KIF16B: variants seen among roughly 807,000 people sequenced by gnomAD.
The protein encoded by KIF16B is kinesin family member 16B, also known as kinesin-like protein KIF16B.
Under a neutral mutation model 156.3 loss-of-function variants are expected in KIF16B, and 98 were observed. The ratio of observed to expected loss-of-function variants is 0.63; its 90% confidence interval spans 0.53 to 0.74. KIF16B has a LOEUF of 0.74. Among genes scored for constraint, KIF16B ranks in the 30% least tolerant of loss-of-function variants. KIF16B has a pLI of 0.00. For synonymous variants in KIF16B, 564 were observed against 583.7 expected, an observed-to-expected ratio of 0.97 and a Z score of 0.49; for missense variants, 1,421 against 1,606.5, an observed-to-expected ratio of 0.88 and a Z score of 1.97.
chr20:16,359,181 C>T lies in KIF16B; in HGVS notation c.3499-2729G>A, dbSNP rs1048765642. On this transcript the variant is annotated intron_variant, in intron 22 of 25. Transcript: ENST00000354981. ...GGTGATACGGTTTGGATATTTGTCCCCATCCAAATCTCATGAGGAGTTGTA... is the reference window on the plus strand; with the variant it reads ...GGTGATACGGTTTGGATATTTGTCCTCATCCAAATCTCATGAGGAGTTGTA... Among the ~76,000 whole-genome samples, 6 of 152,104 alleles carry T rather than the reference C, an allele frequency of 3.9e-5. No individual in the cohort carries two copies. In the East Asian group the frequency reaches 9.6e-4, roughly 24 times the overall value.
chr20:16,407,389 TAA>T (rs2065813084), intron 15 of KIF16B, among the ~76,000 whole-genome samples: 1 of 152,146 alleles, frequency 6.6e-6, no homozygotes, highest in African/African-American at 2.4e-5. Context: ...TCAATGAAGA[TAA>T]GACACATGCA....
At chr20:16,431,122 C>A (rs1376775908) in intron 12 of KIF16B, among the ~76,000 whole-genome samples, 1 of 151,880 alleles carries the variant, frequency 6.6e-6, no homozygotes, top group African/African-American at 2.4e-5. Context: ...CAAAATATGC[C>A]CAGAATCTGG....
intron 22 of KIF16B, among the ~76,000 whole-genome samples, chr20:16,362,171 C>T (rs1328207095): frequency 2.0e-5 from 3 of 152,292 alleles, no homozygotes; most frequent in South Asian, 2.1e-4. Flanking sequence ...ATGAAAAGTA[C>T]CACTGATGTT....
In KIF16B at chr20:16,573,252, C is replaced by T. The variant is rs753553804; in HGVS notation, c.24G>A (p.Val8=). The T allele has an allele frequency of 3.7e-6, 6 of 1,606,148 alleles. No homozygotes were observed. Among genetic ancestry groups the T allele is most frequent in the Non-Finnish European group, 5.1e-6 (6 of 1,177,422 alleles). The change falls in exon 1 of 26, where the codon GTG becomes GTA. Residue 8 remains valine (V), a synonymous_variant. Transcript: ENST00000354981. ...ACCTGCGATTCATGGGCCGGACCCT[C>T]ACGGCCACCTTGACCGATGCCATCG... MASVKVA[V]RVRPMNRREK...
chr20:16,570,732 T>A (rs2071421076), intron 1 of KIF16B, among the ~76,000 whole-genome samples: 1 of 152,166 alleles, frequency 6.6e-6, no homozygotes, highest in Non-Finnish European at 1.5e-5. Flanking sequence ...TATTTGACAC[T>A]AACCCCCACC....
At chr20:16,440,529 GCGCGCACACACACACACACACACACACA>G (rs1037078115) in intron 12 of KIF16B, among the ~76,000 whole-genome samples, 9 of 81,838 alleles carry the variant, frequency 1.1e-4, no homozygotes, top group South Asian at 1.1e-3. Flanking sequence ...ACACACAAGC[GCGCGCACACACACACACACACACACACA>G]CACACACACA....
intron 22 of KIF16B, among the ~76,000 whole-genome samples, chr20:16,357,148 T>C (rs1315113710): frequency 6.6e-6 from 1 of 152,228 alleles, no homozygotes; most frequent in Non-Finnish European, 1.5e-5. Context: ...ACAATCCTTA[T>C]TGTTTGCATT....
At chr20:16,408,920 T>C (rs2065852327) in intron 15 of KIF16B, among the ~76,000 whole-genome samples, 1 of 152,114 alleles carries the variant, frequency 6.6e-6, no homozygotes, top group Non-Finnish European at 1.5e-5. Context: ...CACTGTTCAT[T>C]CAGCAAATAT....
At chr20:16,515,784 T>A in intron 3 of KIF16B, 120 bp from the exon 4 acceptor site, 1 of 612,034 alleles carries the variant, frequency 1.6e-6, no homozygotes, top group South Asian at 2.0e-5. Context: ...ACCATATAAA[T>A]AAATCACTGC....
At position 16,452,244 on chromosome 20, in the gene KIF16B, A is replaced by T. The variant is rs560665225; in HGVS notation, c.1303-22262T>A. On this transcript the variant is annotated intron_variant, in intron 12 of 25. Coordinates refer to ENST00000354981, the MANE Select transcript of KIF16B (RefSeq NM_024704.5). ...AACAAAGAGTCCAGAGAAATTGCAA[A>T]TTCAGCAGCAAAAGAAGCTACAGGA... Among the ~76,000 whole-genome samples, 6 of 152,294 alleles carry T rather than the reference A, an allele frequency of 3.9e-5. No individual in the cohort carries two copies. In the South Asian group the frequency reaches 1.2e-3, roughly 32 times the overall value.
At chr20:16,273,795 A>AT (rs1026297621) in intron 25 of KIF16B, among the ~76,000 whole-genome samples, 13 of 152,216 alleles carry the variant, frequency 8.5e-5, no homozygotes, top group African/African-American at 3.1e-4. Context: ...CATTGTCATT[A>AT]AAACCAGCAC....
chr20:16,344,295 T>C (rs941367854), intron 23 of KIF16B, among the ~76,000 whole-genome samples: 4 of 152,162 alleles, frequency 2.6e-5, no homozygotes, highest in Non-Finnish European at 4.4e-5. Context: ...ATTAATCACA[T>C]CAATATCCCA....
intron 12 of KIF16B, among the ~76,000 whole-genome samples, chr20:16,468,141 G>A (rs1376899507): frequency 6.6e-6 from 1 of 152,098 alleles, no homozygotes; most frequent in Non-Finnish European, 1.5e-5. Flanking sequence ...CAGTTTAAAT[G>A]TAAAAACAAA....
intron 17 of KIF16B, among the ~76,000 whole-genome samples, chr20:16,392,196 G>C (rs548936830): frequency 2.6e-5 from 4 of 152,220 alleles, no homozygotes; most frequent in African/African-American, 9.6e-5. Context: ...GCCTACCAGA[G>C]AGTCTATTAT....
At chr20:16,420,461 CA>C (rs752874268) in intron 15 of KIF16B, among the ~76,000 whole-genome samples, 1 of 151,918 alleles carries the variant, frequency 6.6e-6, no homozygotes, top group African/African-American at 2.4e-5. Flanking sequence ...TACAAATGAA[CA>C]GAAATTTACT....
intron 17 of KIF16B, among the ~76,000 whole-genome samples, chr20:16,396,244 C>G (rs2065497946): frequency 6.6e-6 from 1 of 152,022 alleles, no homozygotes; most frequent in Non-Finnish European, 1.5e-5. Context: ...TGAGACTCAC[C>G]TAATTATCTG....
intron 12 of KIF16B, among the ~76,000 whole-genome samples, chr20:16,448,780 C>G (rs977591839): frequency 6.6e-6 from 1 of 151,876 alleles, no homozygotes; most frequent in Non-Finnish European, 1.5e-5. Context: ...ACAGCATATT[C>G]AAGATAGCAG....
chr20:16,440,230 C>T (rs1459713128), intron 12 of KIF16B, among the ~76,000 whole-genome samples: 1 of 152,076 alleles, frequency 6.6e-6, no homozygotes, highest in South Asian at 2.1e-4. Context: ...AAGGCCAAGA[C>T]CGTCTCTTAT....
chr20:16,387,273 G>A (rs1229268384), intron 17 of KIF16B, among the ~76,000 whole-genome samples: 1 of 152,182 alleles, frequency 6.6e-6, no homozygotes, highest in Admixed American at 6.5e-5. Context: ...TTCAAGCTTA[G>A]AGACTATTAA....
Sources: allele counts gnomAD v4.1 joint callset (sites outside exome capture counted in the v4.1 genomes callset), GRCh38; gene constraint gnomAD v4.1.1; transcripts MANE v1.5; gene names NCBI Gene and HGNC (gene_info 2026-07-23, HGNC 2026-07-21).